MACROD2: variants seen among roughly 807,000 people sequenced by gnomAD.
The protein encoded by MACROD2 is ADP-ribose glycohydrolase MACROD2.
In MACROD2, 36 loss-of-function variants were observed where a neutral mutation model predicts 70.4. The ratio of observed to expected loss-of-function variants is 0.51; its 90% CI spans 0.39 to 0.68. The LOEUF (loss-of-function observed/expected upper bound fraction) is 0.68. MACROD2 is among the 30% of genes least tolerant of loss of function. The pLI, the probability that MACROD2 is intolerant of heterozygous loss-of-function variation, is 0.00. For missense variants in MACROD2, 496 were observed against 538.4 expected (o/e 0.92, Z 0.78); for synonymous variants, 172 against 178.8 (o/e 0.96, Z 0.30).
chr20:15,591,586 T>TAAAAAA (rs11471295), intron 8 of MACROD2, among the ~76,000 whole-genome samples: 2 of 65,138 alleles, frequency 3.1e-5, no homozygotes, highest in African/African-American at 7.1e-5. Flanking sequence ...AAGCCAGTAC[T>TAAAAAA]AAAAAAAAAA....
intron 3 of MACROD2, among the ~76,000 whole-genome samples, chr20:14,129,560 G>C (rs2054692488): frequency 6.6e-6 from 1 of 152,198 alleles, no homozygotes; most frequent in South Asian, 2.1e-4. Flanking sequence ...CAGGGTTTGA[G>C]AGGATTGACT....
intron 8 of MACROD2, among the ~76,000 whole-genome samples, chr20:15,779,831 T>C (rs987356697): frequency 4.6e-5 from 7 of 152,130 alleles, no homozygotes; most frequent in Admixed American, 3.9e-4. Flanking sequence ...CTGAAAACCA[T>C]TGCAACTGTT....
chr20:14,213,204 G>C (rs768358430), intron 3 of MACROD2, among the ~76,000 whole-genome samples: 2 of 151,276 alleles, frequency 1.3e-5, no homozygotes, highest in Non-Finnish European at 2.9e-5. Context: ...ATACAGTCTT[G>C]ATATTTTTAA....
At chr20:14,538,127 AT>A (rs1035125427) in intron 4 of MACROD2, among the ~76,000 whole-genome samples, 37 of 152,334 alleles carry the variant, frequency 2.4e-4, no homozygotes, top group African/African-American at 8.4e-4. Context: ...TAATGATCCC[AT>A]TTTAAAACAT....
chr20:14,468,824 T>G (rs2123040351), intron 3 of MACROD2, among the ~76,000 whole-genome samples: 1 of 152,200 alleles, frequency 6.6e-6, no homozygotes, highest in African/African-American at 2.4e-5. Flanking sequence ...TGTGTGTCAT[T>G]ACATGTGTGT....
chr20:14,073,140 A>G (rs1283413209), intron 2 of MACROD2, among the ~76,000 whole-genome samples: 1 of 152,146 alleles, frequency 6.6e-6, no homozygotes, highest in African/African-American at 2.4e-5. Context: ...GTTCGAGACC[A>G]GCATGACTAA....
Position 15,964,783 on chromosome 20 carries a change from A to G in MACROD2, c.908-2770A>G, listed in dbSNP as rs536323237. Among the ~76,000 whole-genome samples, 5 of 152,342 alleles carry G rather than the reference A, an allele frequency of 3.3e-5. No homozygotes were observed. The East Asian group carries it at 9.6e-4, about 29-fold the overall frequency. On this transcript the variant is annotated intron_variant, in intron 12 of 17. Transcript: ENST00000684519. ...AGGTTATGAGACTAGAAATTCAGAG[A>G]GCCCTATTAATAAAGTAACTTTCGT...
intron 9 of MACROD2, among the ~76,000 whole-genome samples, chr20:15,865,380 T>G (rs1329815545): frequency 6.8e-6 from 1 of 147,036 alleles, no homozygotes; most frequent in African/African-American, 2.5e-5. Flanking sequence ...ATTAATATAT[T>G]TAATAACATA....
intron 5 of MACROD2, among the ~76,000 whole-genome samples, chr20:14,924,650 A>G (rs1215177881): frequency 6.6e-6 from 1 of 152,128 alleles, no homozygotes; most frequent in Non-Finnish European, 1.5e-5. Flanking sequence ...TTTAGTCTGC[A>G]CCAAGACACT....
chr20:14,389,337 G>T (rs1034175120), intron 3 of MACROD2, among the ~76,000 whole-genome samples: 1 of 147,194 alleles, frequency 6.8e-6, no homozygotes, highest in Admixed American at 7.0e-5. Context: ...CAGGAGAATC[G>T]CTTGAACCCG....
chr20:15,643,614 T>G lies in MACROD2; in HGVS notation c.645+143767T>G, dbSNP rs2049495909. Among the ~76,000 whole-genome samples, 2 of 152,248 alleles carry G rather than the reference T, an allele frequency of 1.3e-5. 1 individual carries two copies. Among genetic ancestry groups the G allele is most frequent in the Admixed American group, 1.3e-4 (2 of 15,278 alleles). On this transcript the variant is annotated intron_variant, in intron 8 of 17. Transcript: ENST00000684519. ...TGTTCTCAATGCCAAGGAGAAGGTT[T>G]GAAACAGAGTAGATATGATAAATAT...
chr20:15,541,017 G>A lies in MACROD2; in HGVS notation c.645+41170G>A, dbSNP rs917640768. Among the ~76,000 whole-genome samples the A allele has an allele frequency of 2.0e-5, 3 of 152,156 alleles. 1 individual carries two copies. In the South Asian group the frequency reaches 6.2e-4, roughly 32 times the overall value. Reference sequence around the variant, plus strand: ...TTTGCAAATCAGGTCACATTCTGAGGTACTGTGGTTTAGGTCTTCAAGGCA... The same window carrying A: ...TTTGCAAATCAGGTCACATTCTGAGATACTGTGGTTTAGGTCTTCAAGGCA... On this transcript the variant is annotated intron_variant, in intron 8 of 17. Transcript: ENST00000684519.
chr20:15,902,338 A>G (rs562273527), intron 10 of MACROD2, among the ~76,000 whole-genome samples: 3 of 152,146 alleles, frequency 2.0e-5, no homozygotes, highest in Non-Finnish European at 2.9e-5. Context: ...CTTGGGGCTT[A>G]TATTCTATAT....
chr20:14,785,875 C>A (rs954715846), intron 5 of MACROD2, among the ~76,000 whole-genome samples: 1 of 151,890 alleles, frequency 6.6e-6, no homozygotes, highest in African/African-American at 2.4e-5. Context: ...TCAATCACCT[C>A]TTTGTTCCAG....
chr20:15,886,245 T>C (rs954263916), intron 10 of MACROD2, among the ~76,000 whole-genome samples: 2 of 152,152 alleles, frequency 1.3e-5, no homozygotes, highest in Non-Finnish European at 2.9e-5. Context: ...TAGTGATTGA[T>C]CTCAACTGTC....
chr20:15,777,640 C>T (rs2051754077), intron 8 of MACROD2, among the ~76,000 whole-genome samples: 2 of 106,038 alleles, frequency 1.9e-5, no homozygotes, highest in Admixed American at 1.9e-4. Context: ...CTTCCTTCCT[C>T]TCTCTCTCTC....
At chr20:14,899,824 CA>C (rs1281720159) in intron 5 of MACROD2, among the ~76,000 whole-genome samples, 2 of 152,048 alleles carry the variant, frequency 1.3e-5, no homozygotes, top group African/African-American at 2.4e-5. Context: ...AACAACAAAC[CA>C]AACTTTAAGA....
intron 3 of MACROD2, among the ~76,000 whole-genome samples, chr20:14,362,073 G>A (rs6135128): frequency 0.17 from 25,753 of 152,166 alleles, 2,627 homozygotes; most frequent in East Asian, 0.3. Context: ...GTCAGCTTCT[G>A]TAATGTCCAA....
intron 8 of MACROD2, among the ~76,000 whole-genome samples, chr20:15,838,611 G>A (rs1245086776): frequency 6.6e-6 from 1 of 152,150 alleles, no homozygotes; most frequent in African/African-American, 2.4e-5. Context: ...GTTGAGAAGA[G>A]ATTGACCAGT....
Sources: gnomAD v4.1 joint callset for allele counts (sites outside exome capture counted in the v4.1 genomes callset) on GRCh38, gnomAD v4.1.1 for gene constraint, MANE v1.5 for transcripts, NCBI Gene and HGNC (gene_info 2026-07-23, HGNC 2026-07-21) for gene names.